SLC39A11: variants seen among roughly 807,000 people sequenced by gnomAD.
The protein encoded by SLC39A11 is solute carrier family 39 member 11.
In SLC39A11, 33 loss-of-function variants were observed where a neutral mutation model predicts 36.1. That is an observed-to-expected ratio of 0.91 (90% CI 0.69 to 1.22). The LOEUF is 1.22. Among genes scored for constraint, SLC39A11 ranks in the 50% most tolerant of loss-of-function variants. The pLI is 0.00. For synonymous variants in SLC39A11, 166 were observed against 170.3 expected, an observed-to-expected ratio of 0.97 and a Z score of 0.20; for missense variants, 432 against 430.3, an observed-to-expected ratio of 1.00 and a Z score of -0.03.
At chr17:72,710,646 CCTGT>C (rs201124077) in intron 7 of SLC39A11, among the ~76,000 whole-genome samples, 2,367 of 152,180 alleles carry the variant, frequency 0.016, 45 homozygotes, top group East Asian at 0.062. Flanking sequence ...CATAAATTAC[CCTGT>C]CTATTTTGTT....
intron 3 of SLC39A11, among the ~76,000 whole-genome samples, chr17:73,081,670 C>CATATATGTATATATGTATGT (rs1568242944): frequency 0.049 from 3,981 of 81,758 alleles, 573 homozygotes; most frequent in African/African-American, 0.085. Flanking sequence ...CACACACACA[C>CATATATGTATATATGTATGT]ATATATATAC....
intron 7 of SLC39A11, among the ~76,000 whole-genome samples, chr17:72,696,736 T>C (rs2072321609): frequency 1.3e-5 from 2 of 152,226 alleles, no homozygotes; most frequent in South Asian, 4.1e-4. Flanking sequence ...TTTATGAACC[T>C]GCTTTTAATA....
chr17:72,678,648 T>C lies in SLC39A11; in HGVS notation c.672-29380A>G, dbSNP rs546765525. ...TGAACCCAGGAGGCAAAGGTTGTAG[T>C]GAGCCGAGATTGCGCCACTGCACTC... is the stretch of plus-strand genomic sequence containing the variant. On this transcript the variant is annotated intron_variant, in intron 7 of 9. Coordinates refer to ENST00000255559, the MANE Select transcript of SLC39A11 (RefSeq NM_139177.4). Among the ~76,000 whole-genome samples, 6 of 151,926 alleles carry C rather than the reference T, an allele frequency of 3.9e-5. No individual in the cohort carries two copies. The East Asian group carries it at 9.7e-4, about 25-fold the overall frequency.
At chr17:72,797,647 C>T (rs1007771429) in intron 6 of SLC39A11, among the ~76,000 whole-genome samples, 1 of 152,148 alleles carries the variant, frequency 6.6e-6, no homozygotes, top group African/African-American at 2.4e-5. Flanking sequence ...TGCACTACCT[C>T]GTCTAATACC....
At chr17:72,785,524 T>C (rs533849411) in intron 6 of SLC39A11, among the ~76,000 whole-genome samples, 1 of 152,302 alleles carries the variant, frequency 6.6e-6, no homozygotes, top group East Asian at 1.9e-4. Flanking sequence ...GGCTGAAAGA[T>C]GGTTCATGAT....
At chr17:72,823,744 C>A (rs2077895624) in intron 6 of SLC39A11, 1 of 151,428 alleles carries the variant, frequency 6.6e-6, no homozygotes, top group Non-Finnish European at 1.5e-5. Flanking sequence ...TAAGAAAGTG[C>A]AGAAACATCC....
chr17:72,817,078 A>T (rs1568138265), intron 6 of SLC39A11, among the ~76,000 whole-genome samples: 2 of 144,366 alleles, frequency 1.4e-5, no homozygotes, highest in Non-Finnish European at 3.0e-5. Flanking sequence ...GTTGTGTCTC[A>T]GTCCATTTGT....
chr17:72,922,924 C>A, intron 5 of SLC39A11, among the ~76,000 whole-genome samples: 2 of 132,080 alleles, frequency 1.5e-5, no homozygotes, highest in Admixed American at 1.7e-4. Context: ...GCTGAGAGTG[C>A]GCCACCAGCC....
intron 6 of SLC39A11, among the ~76,000 whole-genome samples, chr17:72,792,673 T>C (rs2076751938): frequency 6.6e-6 from 1 of 152,178 alleles, no homozygotes; most frequent in Non-Finnish European, 1.5e-5. Flanking sequence ...CACACCTCTG[T>C]AAGAACTGCC....
At chr17:73,063,139 C>T (rs1399733717) in intron 3 of SLC39A11, among the ~76,000 whole-genome samples, 1 of 152,130 alleles carries the variant, frequency 6.6e-6, no homozygotes, top group East Asian at 1.9e-4. Context: ...ATGTTAGAAG[C>T]ACAAGGTACT....
intron 3 of SLC39A11, among the ~76,000 whole-genome samples, chr17:73,061,216 C>A (rs1347322729): frequency 6.6e-6 from 1 of 152,000 alleles, no homozygotes; most frequent in Non-Finnish European, 1.5e-5. Flanking sequence ...AAAAATTAGC[C>A]GGGAGTGGTA....
intron 4 of SLC39A11, among the ~76,000 whole-genome samples, chr17:73,014,827 G>A (rs997518189): frequency 2.0e-5 from 3 of 152,158 alleles, no homozygotes; most frequent in Non-Finnish European, 4.4e-5. Flanking sequence ...TGGCCGGCCT[G>A]CAGCAATTTC....
At chr17:72,698,036 T>C (rs1485058594) in intron 7 of SLC39A11, among the ~76,000 whole-genome samples, 1 of 152,190 alleles carries the variant, frequency 6.6e-6, no homozygotes, top group African/African-American at 2.4e-5. Flanking sequence ...CAGAAGCCCA[T>C]CTGCAAAGAC....
intron 5 of SLC39A11, among the ~76,000 whole-genome samples, chr17:72,886,116 C>T (rs2081426235): frequency 6.6e-6 from 1 of 152,216 alleles, no homozygotes. Context: ...CTGCTCAGTT[C>T]CCTCTGCTGG....
chr17:72,680,041 CAAAAAAAAAAAAAAAAAA>C (rs199650969), intron 7 of SLC39A11, among the ~76,000 whole-genome samples: 5 of 71,694 alleles, frequency 7.0e-5, no homozygotes, highest in East Asian at 4.2e-4. Flanking sequence ...GACTCTGTCT[CAAAAAAAAAAAAAAAAAA>C]AAAAAAAAAA....
intron 6 of SLC39A11, among the ~76,000 whole-genome samples, chr17:72,845,246 AAAAC>A (rs2078998455): frequency 1.3e-5 from 2 of 152,218 alleles, no homozygotes; most frequent in African/African-American, 4.8e-5. Flanking sequence ...ACACAGAGCA[AAAAC>A]AAACATTCTT....
chr17:73,014,710 C>T (rs1335713697), intron 4 of SLC39A11, among the ~76,000 whole-genome samples: 1 of 152,216 alleles, frequency 6.6e-6, no homozygotes, highest in Non-Finnish European at 1.5e-5. Flanking sequence ...CGTTGCTTCA[C>T]CAAGTCCCAG....
At chr17:72,878,870 G>A (rs1200206091) in intron 5 of SLC39A11, among the ~76,000 whole-genome samples, 1 of 152,148 alleles carries the variant, frequency 6.6e-6, no homozygotes, top group Non-Finnish European at 1.5e-5. Context: ...CATACTTCAG[G>A]TCAATTGCAA....
At chr17:73,025,916 G>A (rs986576875) in intron 4 of SLC39A11, among the ~76,000 whole-genome samples, 9 of 152,090 alleles carry the variant, frequency 5.9e-5, no homozygotes, top group Admixed American at 2.0e-4. Context: ...TCAGGAGTTT[G>A]AGACCAGCCT....
Sources: allele counts gnomAD v4.1 joint callset (sites outside exome capture counted in the v4.1 genomes callset), GRCh38; gene constraint gnomAD v4.1.1; transcripts MANE v1.5; gene names NCBI Gene and HGNC (gene_info 2026-07-23, HGNC 2026-07-21).